Variants in PDS5A observed in about 807,000 individuals in gnomAD.
The protein encoded by PDS5A is sister chromatid cohesion protein PDS5 homolog A.
In PDS5A, 42 loss-of-function variants were observed where a neutral mutation model predicts 167.1. That is an observed-to-expected ratio of 0.25 (90% CI 0.20 to 0.33). The LOEUF (loss-of-function observed/expected upper bound fraction) is 0.33, where lower values mean the gene tolerates loss of function less well. PDS5A is among the 10% of genes least tolerant of loss of function. PDS5A has a pLI of 1.00. For synonymous variants in PDS5A, 553 were observed against 554.6 expected (o/e 1.00, Z 0.04); for missense variants, 1,033 against 1,605.9 (o/e 0.64, Z 6.10).
At chr4:39,891,076 C>T (rs1414373368) in intron 16 of PDS5A, among the ~76,000 whole-genome samples, 1 of 151,548 alleles carries the variant, frequency 6.6e-6, no homozygotes, top group Non-Finnish European at 1.5e-5. Context: ...GTCAGTCACT[C>T]AGGCTGGAAT....
At chr4:39,876,624 A>G (rs1490911926) in intron 19 of PDS5A, among the ~76,000 whole-genome samples, 1 of 152,246 alleles carries the variant, frequency 6.6e-6, no homozygotes, top group Non-Finnish European at 1.5e-5. Flanking sequence ...GTAGGATAGC[A>G]AAGTGACAGT....
chr4:39,954,360 T>C (rs942607231), intron 2 of PDS5A, among the ~76,000 whole-genome samples: 1 of 151,556 alleles, frequency 6.6e-6, no homozygotes. Context: ...ACCCTGTCTC[T>C]TAAAAAAACA....
At chr4:39,871,645 CTT>C in intron 21 of PDS5A, among the ~76,000 whole-genome samples, 2 of 152,184 alleles carry the variant, frequency 1.3e-5, no homozygotes, top group African/African-American at 4.8e-5. Flanking sequence ...ATATCTGTGT[CTT>C]TATTCAATAA....
intron 2 of PDS5A, chr4:39,932,795 A>G (rs559273962): frequency 2.0e-5 from 3 of 152,418 alleles, no homozygotes; most frequent in African/African-American, 2.4e-5. Context: ...ACGCCACTGC[A>G]CTCCAGCCTG....
rs1719164053 is a variant in PDS5A, at chr4:39,863,427, G to C, written c.2675C>G (p.Ala892Gly). 1 of 1,608,242 alleles carries C rather than the reference G, an allele frequency of 6.2e-7. No individual in the cohort carries two copies. The change falls in exon 24 of 33, where the codon GCT becomes GGT. Residue 892 changes from alanine (A) to glycine (G), a missense_variant. Ala to Gly is a moderately conservative substitution (Grantham distance 60). Coordinates refer to ENST00000303538, the MANE Select transcript of PDS5A (RefSeq NM_001100399.2). ...AGCAAGCTTCATTATGGCACTACCA[G>C]CAGCTAATCGCAAGCGAGACATATC... ...KSDMSRLRLA[A>G]GSAIMKLAQE...
intron 2 of PDS5A, among the ~76,000 whole-genome samples, chr4:39,936,343 A>C (rs947044584): frequency 6.6e-6 from 1 of 152,180 alleles, no homozygotes; most frequent in Non-Finnish European, 1.5e-5. Context: ...CATTTCTGAC[A>C]GACCAGCTAT....
At chr4:39,913,552 G>T (rs1357996955) in intron 9 of PDS5A, 59 bp downstream of exon 9, 1 of 874,716 alleles carries the variant, frequency 1.1e-6, no homozygotes, top group Admixed American at 1.7e-5. Context: ...TAATCAAGTG[G>T]ACTGCACCCT....
At chr4:39,862,375 C>G (rs1719074046) in intron 25 of PDS5A, 42 bp from the exon 26 acceptor site, 1 of 905,456 alleles carries the variant, frequency 1.1e-6, no homozygotes, top group Non-Finnish European at 1.7e-6. Context: ...TATAAAATGC[C>G]TTAGTGGACT....
rs974845167 is a variant in PDS5A at position 39,825,201 on chromosome 4, A to C, written c.*284T>G. The C allele has an allele frequency of 9.0e-6, 3 of 333,736 alleles. No individual in the cohort carries two copies. Among genetic ancestry groups the C allele is most frequent in the African/African-American group, 6.4e-5 (3 of 47,088 alleles). The allele number at this position is 333,736 out of a possible 1,614,324, so 20.7% of individuals were successfully genotyped here. On this transcript the variant is annotated 3_prime_UTR_variant, in exon 33 of 33. Transcript: ENST00000303538. ...AGGCAGGAACTGGAACCAAGTGTTA[A>C]GCAATTTGCTTAATTATTGACTTTT...
At position 39,848,943 on chromosome 4, in the gene PDS5A, G is replaced by C. The variant is rs369256353; in HGVS notation, c.3247C>G (p.Leu1083Val). 5.0e-6 allele frequency: 8 copies of C among 1,602,152 alleles called. No homozygotes were observed. The highest frequency in any genetic ancestry group is 6.8e-6 in the Non-Finnish European group (8 of 1,171,914). The part of the protein sequence containing the change: ...EKLYTVCDVA[L>V]CVINSKSALC... Reference sequence around the variant, plus strand: ...GCACTTTTACTATTTATAACACAGAGAGCCACATCACATACTGTATACAGT... The same window carrying C: ...GCACTTTTACTATTTATAACACAGACAGCCACATCACATACTGTATACAGT... The change falls in exon 28 of 33, where the codon CTC becomes GTC. Residue 1083 changes from leucine (L) to valine (V), a missense_variant. Transcript: ENST00000303538.
At chr4:39,955,007 G>A (rs1436987362) in intron 2 of PDS5A, among the ~76,000 whole-genome samples, 1 of 151,798 alleles carries the variant, frequency 6.6e-6, no homozygotes, top group East Asian at 1.9e-4. Flanking sequence ...GAAACTGAAC[G>A]CCAGCCAGCC....
intron 10 of PDS5A, 27 bp downstream of exon 10, chr4:39,910,217 A>C: frequency 1.8e-6 from 2 of 1,141,878 alleles, no homozygotes; most frequent in Non-Finnish European, 2.6e-6. Flanking sequence ...GGTTATGCTA[A>C]TATGTGTAAT....
At chr4:39,853,753 C>T (rs1718307912) in intron 26 of PDS5A, among the ~76,000 whole-genome samples, 1 of 152,154 alleles carries the variant, frequency 6.6e-6, no homozygotes, top group African/African-American at 2.4e-5. Flanking sequence ...TGCCTTCTTC[C>T]TCCCCAATTC....
intron 9 of PDS5A, among the ~76,000 whole-genome samples, chr4:39,912,974 G>C (rs1724023806): frequency 6.6e-6 from 1 of 152,114 alleles, no homozygotes; most frequent in Admixed American, 6.5e-5. Flanking sequence ...AAAGTTGGTA[G>C]GCTGACAAAT....
chr4:39,871,957 C>T (rs535393834), intron 21 of PDS5A, among the ~76,000 whole-genome samples: 38 of 152,132 alleles, frequency 2.5e-4, no homozygotes, highest in Non-Finnish European at 4.4e-4. Context: ...CCACCCACCT[C>T]GGCCCCTCAA....
intron 14 of PDS5A, 33 bp downstream of exon 14, chr4:39,900,393 T>C (rs1722777217): frequency 2.9e-6 from 4 of 1,365,940 alleles, no homozygotes; most frequent in Non-Finnish European, 4.1e-6. Flanking sequence ...GTGACTATAA[T>C]AAACTATGAA....
intron 2 of PDS5A, among the ~76,000 whole-genome samples, chr4:39,962,902 C>T (rs1002213115): frequency 2.0e-5 from 3 of 151,940 alleles, no homozygotes; most frequent in Non-Finnish European, 4.4e-5. Flanking sequence ...GTGGAGGTTG[C>T]AGTGAGCCAA....
chr4:39,863,113 T>C (rs751421816), intron 24 of PDS5A, 40 bp from the exon 25 acceptor site: 1 of 1,486,192 alleles, frequency 6.7e-7, no homozygotes, highest in Non-Finnish European at 9.3e-7. Context: ...CAACCATTTA[T>C]TAAATAAAAA....
At chr4:39,953,429 T>G (rs1222507080) in intron 2 of PDS5A, among the ~76,000 whole-genome samples, 4 of 151,982 alleles carry the variant, frequency 2.6e-5, no homozygotes, top group Admixed American at 1.3e-4. Flanking sequence ...TCAGTTTTTT[T>G]TTTTTTTTTC....
Sources: allele counts gnomAD v4.1 joint callset (sites outside exome capture counted in the v4.1 genomes callset), GRCh38; gene constraint gnomAD v4.1.1; transcripts MANE v1.5; gene names NCBI Gene and HGNC (gene_info 2026-07-23, HGNC 2026-07-21).